GRAMD1B: variants seen among roughly 807,000 people sequenced by gnomAD.
GRAMD1B encodes the protein protein Aster-B.
GRAMD1B carries 37 observed loss-of-function variants against 99.7 expected under a neutral mutation model. That is an observed-to-expected ratio of 0.37 (90% CI 0.29 to 0.49). GRAMD1B has a LOEUF of 0.49. Ranked by LOEUF, GRAMD1B falls within the 20% of genes least tolerant of loss-of-function variation. The probability of loss-of-function intolerance (pLI) is 0.98; values close to 1 mark genes in which losing one functional copy is unlikely to be tolerated. For missense variants in GRAMD1B, 888 were observed against 1,009.2 expected, an observed-to-expected ratio of 0.88 and a Z score of 1.63; for synonymous variants, 427 against 387.6, an observed-to-expected ratio of 1.10 and a Z score of -1.19.
rs546278449 is a variant in GRAMD1B, at chr11:123,524,152, T to G, written c.452+43259T>G. On this transcript the variant is annotated intron_variant, in intron 2 of 19. Transcript: ENST00000635736. Reference sequence around the variant, plus strand: ...AGGTCACTTAAACGCTTGCTTATAGTACCCTACAATCCCCAAGCCCTCCTC... The same window carrying G: ...AGGTCACTTAAACGCTTGCTTATAGGACCCTACAATCCCCAAGCCCTCCTC... Among the ~76,000 whole-genome samples the G allele has an allele frequency of 1.8e-3, 280 of 152,230 alleles. 1 individual carries two copies. The highest frequency in any genetic ancestry group is 3.3e-3 in the Non-Finnish European group (224 of 68,018).
At chr11:123,412,278 C>A (rs973585600) in intron 1 of GRAMD1B, among the ~76,000 whole-genome samples, 3 of 152,166 alleles carry the variant, frequency 2.0e-5, no homozygotes, top group Non-Finnish European at 4.4e-5. Flanking sequence ...TAAACATTTT[C>A]TCTTGCAGAA....
intron 1 of GRAMD1B, among the ~76,000 whole-genome samples, chr11:123,377,757 T>TAA (rs1946737286): frequency 6.6e-6 from 1 of 152,228 alleles, no homozygotes; most frequent in Non-Finnish European, 1.5e-5. Context: ...TCTCCATTTG[T>TAA]TATTCTTCCA....
intron 2 of GRAMD1B, among the ~76,000 whole-genome samples, chr11:123,494,704 A>G (rs1490534145): frequency 2.0e-5 from 3 of 151,986 alleles, no homozygotes; most frequent in African/African-American, 4.8e-5. Flanking sequence ...CATAGTTGGG[A>G]TTTAGATTTG....
chr11:123,591,366 G>C lies in GRAMD1B; in HGVS notation c.685-2716G>C, dbSNP rs1426381029. The C allele has an allele frequency of 2.5e-6, 1 of 399,136 alleles. No individual in the cohort carries two copies. The highest frequency in any genetic ancestry group is 2.1e-5 in the African/African-American group (1 of 48,752). 24.7% of individuals were successfully genotyped at this position (399,136 alleles called of 1,614,324 possible). On this transcript the variant is annotated intron_variant, in intron 4 of 19. Coordinates refer to ENST00000635736, the MANE Select transcript of GRAMD1B (RefSeq NM_001387025.1). This position sits in a 1 kb window ranked among gnomAD's most constrained non-coding sequence, Gnocchi z 4.7. ...GGAGTCAGTGCTCAGGGAGCCAGGC[G>C]TCGTTGGGAGGGGCAGCCGTGCTGG...
At chr11:123,438,919 G>T (rs765315796) in intron 1 of GRAMD1B, among the ~76,000 whole-genome samples, 37 of 152,242 alleles carry the variant, frequency 2.4e-4, no homozygotes, top group Non-Finnish European at 3.4e-4. Context: ...CCTGAAGCAG[G>T]TGTTTAGACC....
At chr11:123,599,323 G>C in intron 7 of GRAMD1B, 2 of 705,082 alleles carry the variant, frequency 2.8e-6, no homozygotes, top group Non-Finnish European at 2.7e-6. Flanking sequence ...TGCGTGGCCC[G>C]AGTGCAGTGA....
intron 1 of GRAMD1B, among the ~76,000 whole-genome samples, chr11:123,410,937 C>A (rs538965975): frequency 6.6e-5 from 10 of 152,210 alleles, no homozygotes; most frequent in African/African-American, 2.4e-4. Flanking sequence ...GGATGAAACC[C>A]CCAAAGTGCC....
At chr11:123,403,833 C>G (rs548125258) in intron 1 of GRAMD1B, among the ~76,000 whole-genome samples, 10 of 152,032 alleles carry the variant, frequency 6.6e-5, no homozygotes, top group African/African-American at 2.2e-4. Context: ...CGTGAGCCAC[C>G]GCGCCCGGCC....
chr11:123,546,617 G>A (rs1945062754), intron 2 of GRAMD1B, among the ~76,000 whole-genome samples: 1 of 152,158 alleles, frequency 6.6e-6, no homozygotes, highest in Non-Finnish European at 1.5e-5. Context: ...AATCAAGGCT[G>A]GAAAAGGGCC....
intron 3 of GRAMD1B, among the ~76,000 whole-genome samples, chr11:123,579,449 G>A (rs980966915): frequency 3.3e-5 from 5 of 152,208 alleles, no homozygotes; most frequent in Admixed American, 6.5e-5. Context: ...TTAAATGGCC[G>A]TTCCTGGCTG....
rs115480632 is a variant in GRAMD1B at position 123,620,919 on chromosome 11, T to C, written c.2545-1587T>C. ...ATCATCATCACTAGATGATGATGGA[T>C]AAAGAACTTATAGATTAAATTGGGG... On this transcript the variant is annotated intron_variant, in intron 19 of 19. Transcript: ENST00000635736. Among the ~76,000 whole-genome samples the C allele has an allele frequency of 3.9e-3, 594 of 152,308 alleles. 5 individuals carry two copies. The highest frequency in any genetic ancestry group is 0.014 in the African/African-American group (566 of 41,574).
intron 2 of GRAMD1B, among the ~76,000 whole-genome samples, chr11:123,494,304 A>C (rs1270255795): frequency 1.3e-5 from 2 of 151,996 alleles, no homozygotes; most frequent in Non-Finnish European, 1.5e-5. Flanking sequence ...TAAACTTTTC[A>C]TGCTCATGGA....
At chr11:123,553,641 T>C (rs1279844721) in intron 2 of GRAMD1B, among the ~76,000 whole-genome samples, 1 of 152,158 alleles carries the variant, frequency 6.6e-6, no homozygotes, top group Non-Finnish European at 1.5e-5. Flanking sequence ...AGGTCTTGGG[T>C]TACAGCTGGG....
chr11:123,595,878 G>A (rs1951214502), intron 6 of GRAMD1B, 64 bp from the exon 7 acceptor site: 1 of 891,252 alleles, frequency 1.1e-6, no homozygotes, highest in African/African-American at 1.6e-5. Context: ...CCTGAACACT[G>A]TTTACCTGAC....
At chr11:123,369,778 G>A (rs1367367958) in intron 1 of GRAMD1B, among the ~76,000 whole-genome samples, 7 of 151,784 alleles carry the variant, frequency 4.6e-5, no homozygotes, top group Non-Finnish European at 7.4e-5. Context: ...AGGTTGAGGT[G>A]GGATGATCCC....
chr11:123,432,958 G>A (rs951110442), intron 1 of GRAMD1B, among the ~76,000 whole-genome samples: 2 of 152,256 alleles, frequency 1.3e-5, no homozygotes, highest in South Asian at 4.2e-4. Context: ...TTTTGTGGAC[G>A]CTGGGGATAG....
chr11:123,589,032 A>G (rs1349565847), intron 4 of GRAMD1B, among the ~76,000 whole-genome samples: 2 of 151,960 alleles, frequency 1.3e-5, no homozygotes, highest in African/African-American at 4.8e-5. Flanking sequence ...TGCACAAAGA[A>G]AAGTGCTGAC....
intron 3 of GRAMD1B, among the ~76,000 whole-genome samples, chr11:123,580,616 C>A (rs1056558341): frequency 2.0e-5 from 3 of 152,224 alleles, no homozygotes; most frequent in Non-Finnish European, 4.4e-5. Flanking sequence ...AAGGCCCGAC[C>A]CCTCTGGATC....
intron 2 of GRAMD1B, chr11:123,559,635 T>C (rs1354182902): frequency 2.0e-6 from 2 of 982,424 alleles, no homozygotes; most frequent in Non-Finnish European, 1.2e-6. Flanking sequence ...AAAAAAACAC[T>C]TCTAAGAGGT....
Sources: gnomAD v4.1 joint callset for allele counts (sites outside exome capture counted in the v4.1 genomes callset) on GRCh38, gnomAD v4.1.1 for gene constraint, Gnocchi (gnomAD v3.1) non-coding constraint, MANE v1.5 for transcripts, NCBI Gene and HGNC (gene_info 2026-07-23, HGNC 2026-07-21) for gene names.